The following AIM2 variants were observed in gnomAD, a reference collection of about 807,000 sequenced individuals.
AIM2 encodes the protein absent in melanoma 2.
A neutral mutation model predicts 27.7 loss-of-function variants in AIM2; 30 were observed. The ratio of observed to expected loss-of-function variants is 1.08; its 90% confidence interval spans 0.81 to 1.47. The LOEUF is 1.47. AIM2 is among the 40% of genes most tolerant of loss of function. AIM2 has a pLI of 0.00. For missense variants in AIM2, 358 were observed against 411.3 expected (o/e 0.87, Z 1.12); for synonymous variants, 141 against 145.3 (o/e 0.97, Z 0.21).
At chr1:159,131,868 T>C (rs1280804472) in intron 1 of AIM2, among the ~76,000 whole-genome samples, 1 of 152,214 alleles carries the variant, frequency 6.6e-6, no homozygotes, top group Non-Finnish European at 1.5e-5. Context: ...ATATAGATCA[T>C]GGATGAGATT....
At chr1:159,104,743 T>C (rs1657392690) in intron 1 of AIM2, among the ~76,000 whole-genome samples, 1 of 152,216 alleles carries the variant, frequency 6.6e-6, no homozygotes, top group Non-Finnish European at 1.5e-5. Context: ...AAATTACACA[T>C]GTGCTTGCAT....
intron 1 of AIM2, among the ~76,000 whole-genome samples, chr1:159,106,077 A>C (rs994414290): frequency 6.6e-6 from 1 of 152,206 alleles, no homozygotes; most frequent in African/African-American, 2.4e-5. Context: ...ACACTGGAGC[A>C]GATGCCAGGT....
chr1:159,117,526 A>C (rs1244997172), intron 1 of AIM2, among the ~76,000 whole-genome samples: 1 of 152,212 alleles, frequency 6.6e-6, no homozygotes, highest in East Asian at 1.9e-4. Context: ...GGAGGCTCTG[A>C]GTCAAGTAAA....
At chr1:159,099,096 G>A (rs1443812004) in intron 1 of AIM2, among the ~76,000 whole-genome samples, 1 of 151,936 alleles carries the variant, frequency 6.6e-6, no homozygotes, top group Non-Finnish European at 1.5e-5. Context: ...AGAATGGTGG[G>A]TCCATAGAAT....
intron 1 of AIM2, among the ~76,000 whole-genome samples, chr1:159,133,518 C>A (rs1647949021): frequency 6.6e-6 from 1 of 152,100 alleles, no homozygotes; most frequent in African/African-American, 2.4e-5. Flanking sequence ...TCTTTGTTTC[C>A]TTACCTCCCA....
chr1:159,107,898 T>A (rs1657486266), intron 1 of AIM2, among the ~76,000 whole-genome samples: 1 of 152,056 alleles, frequency 6.6e-6, no homozygotes. Flanking sequence ...GCAGCGAGAT[T>A]GAAATGGTAA....
At position 159,110,940 on chromosome 1, in the gene AIM2, C is replaced by T. The variant is rs186959690; in HGVS notation, c.-16+29491G>A. Among the ~76,000 whole-genome samples, 12 of 152,116 alleles carry T rather than the reference C, an allele frequency of 7.9e-5. No homozygotes were observed. The East Asian group carries it at 2.1e-3, about 27-fold the overall frequency. ...TGTGGGACTCTTGCAACATCACATTCCATTTACCATCTAGGGAATTATACT... is the reference window on the plus strand; with the variant it reads ...TGTGGGACTCTTGCAACATCACATTTCATTTACCATCTAGGGAATTATACT... On this transcript the variant is annotated intron_variant, in intron 1 of 2. Transcript: ENST00000368129.
rs534400257 is a variant in AIM2 at position 159,125,082 on chromosome 1, G to C, written c.-16+15349C>G. ...AACAGGCTATTGGCATGCTGGTTGT[G>C]CTGCCAAGCCTGACTGCTTCTCTGA... is the stretch of plus-strand genomic sequence containing the variant. On this transcript the variant is annotated intron_variant, in intron 1 of 2. Transcript: ENST00000368129. 2.6e-5 allele frequency among the ~76,000 whole-genome samples: 4 copies of C among 152,340 alleles called. No homozygotes were observed. In the East Asian group the frequency reaches 7.7e-4, roughly 29 times the overall value.
intron 1 of AIM2, among the ~76,000 whole-genome samples, chr1:159,097,759 T>TA (rs1657209091): frequency 6.6e-6 from 1 of 152,186 alleles, no homozygotes. Flanking sequence ...ATGAAACACT[T>TA]AGACGAATGC....
chr1:159,116,688 T>C lies in AIM2; in HGVS notation c.-16+23743A>G, dbSNP rs142379050. 1.5e-3 allele frequency among the ~76,000 whole-genome samples: 230 copies of C among 151,250 alleles called. 3 individuals carry two copies. In the East Asian group the frequency reaches 0.03, roughly 20 times the overall value. Reference sequence around the variant, plus strand: ...TCACACAACAGGGCCTGTTGTGGGGTAGGGGGAGGGAGGAGGAATAGCATT... The same window carrying C: ...TCACACAACAGGGCCTGTTGTGGGGCAGGGGGAGGGAGGAGGAATAGCATT... On this transcript the variant is annotated intron_variant, in intron 1 of 2. Coordinates refer to the AIM2 transcript ENST00000368129.
chr1:159,090,603 A>G (rs1657022308), intron 1 of AIM2, among the ~76,000 whole-genome samples: 1 of 152,218 alleles, frequency 6.6e-6, no homozygotes, highest in Admixed American at 6.5e-5. Flanking sequence ...CTTCAGACCA[A>G]GTCCAAAACT....
chr1:159,111,823 CTATCTATCATCT>C (rs1389943858), intron 1 of AIM2, among the ~76,000 whole-genome samples: 1 of 138,806 alleles, frequency 7.2e-6, no homozygotes, highest in African/African-American at 2.9e-5. Flanking sequence ...AACTATCTAT[CTATCTATCATCT>C]ATCTATCTAT....
intron 1 of AIM2, among the ~76,000 whole-genome samples, chr1:159,098,528 T>C (rs1657247977): frequency 6.6e-6 from 1 of 152,208 alleles, no homozygotes; most frequent in African/African-American, 2.4e-5. Flanking sequence ...ATATAGAATA[T>C]TTCCAGCGTT....
intron 1 of AIM2, among the ~76,000 whole-genome samples, chr1:159,113,045 C>T (rs1332698714): frequency 6.6e-6 from 1 of 151,928 alleles, no homozygotes; most frequent in Non-Finnish European, 1.5e-5. Flanking sequence ...CCGGGGTTCA[C>T]GCCATTCTCC....
intron 3 of AIM2, among the ~76,000 whole-genome samples, chr1:159,068,054 G>A (rs1163735843): frequency 6.6e-6 from 1 of 151,948 alleles, no homozygotes; most frequent in Non-Finnish European, 1.5e-5. Flanking sequence ...ATGCCAGACC[G>A]AGTGTCAGAG....
At chr1:159,105,207 A>G (rs932910803) in intron 1 of AIM2, among the ~76,000 whole-genome samples, 2 of 152,246 alleles carry the variant, frequency 1.3e-5, no homozygotes, top group African/African-American at 4.8e-5. Context: ...TCCAGGCGCC[A>G]GCATAGGCAC....
In AIM2 at chr1:159,099,210, G is replaced by A. The variant is rs566100396; in HGVS notation, c.-15-32881C>T. ...CTAATACACACTGAGAAAATAGGTC[G>A]AAAATTGCAGATCTGAATGGGGCAA... On this transcript the variant is annotated intron_variant, in intron 1 of 2. Transcript: ENST00000368129. 6.6e-5 allele frequency among the ~76,000 whole-genome samples: 10 copies of A among 152,240 alleles called. No individual in the cohort carries two copies. In the South Asian group the frequency reaches 8.3e-4, roughly 13 times the overall value.
At chr1:159,091,721 T>A (rs1306054426) in intron 1 of AIM2, among the ~76,000 whole-genome samples, 1 of 152,206 alleles carries the variant, frequency 6.6e-6, no homozygotes, top group African/African-American at 2.4e-5. Flanking sequence ...GTATAAAGGA[T>A]GTGGTAACAA....
At chr1:159,140,029 T>TGAACTCCCTTCCCCTTCCCC (rs1648081523) in intron 1 of AIM2, among the ~76,000 whole-genome samples, 2 of 152,178 alleles carry the variant, frequency 1.3e-5, no homozygotes, top group Non-Finnish European at 2.9e-5. Context: ...ACCCCTTTCC[T>TGAACTCCCTTCCCCTTCCCC]GAACTCCCTT....
Sources: allele counts gnomAD v4.1 joint callset (sites outside exome capture counted in the v4.1 genomes callset), GRCh38; gene constraint gnomAD v4.1.1; transcripts MANE v1.5; gene names NCBI Gene and HGNC (gene_info 2026-07-23, HGNC 2026-07-21).